Variants in NALCN observed in about 807,000 individuals in gnomAD.
NALCN encodes sodium leak channel, non-selective.
In NALCN, 111 loss-of-function variants were observed where a neutral mutation model predicts 225.3. The observed-to-expected ratio is 0.49, with a 90% CI of 0.42 to 0.58. NALCN has a LOEUF of 0.58. NALCN is among the 20% of genes least tolerant of loss of function. NALCN has a pLI of 0.00. For synonymous variants in NALCN, 764 were observed against 769.0 expected (o/e 0.99, Z 0.11); for missense variants, 1,378 against 2,202.4 (o/e 0.63, Z 7.49).
chr13:101,076,219 C>G (rs1478591606), intron 34 of NALCN, among the ~76,000 whole-genome samples: 1 of 152,212 alleles, frequency 6.6e-6, no homozygotes, highest in East Asian at 1.9e-4. Context: ...GTGACCAGCT[C>G]TTTTGCATAC....
intron 2 of NALCN, among the ~76,000 whole-genome samples, chr13:101,397,066 T>TCATATA (rs1555346458): frequency 3.0e-4 from 17 of 56,398 alleles, no homozygotes; most frequent in Non-Finnish European, 5.6e-4. Flanking sequence ...TATGAATGTA[T>TCATATA]TATATATATA....
chr13:101,403,920 T>C (rs956531241), intron 1 of NALCN, among the ~76,000 whole-genome samples: 2 of 152,242 alleles, frequency 1.3e-5, no homozygotes, highest in Non-Finnish European at 2.9e-5. Flanking sequence ...CTGACTTTCA[T>C]GTCTTTGGGA....
At chr13:101,405,010 G>A (rs1251712945) in intron 1 of NALCN, among the ~76,000 whole-genome samples, 3 of 152,202 alleles carry the variant, frequency 2.0e-5, no homozygotes, top group Non-Finnish European at 2.9e-5. Flanking sequence ...ATTTGTTAAT[G>A]TAGGCATTAC....
chr13:101,156,948 A>C (rs2037932264), intron 15 of NALCN, among the ~76,000 whole-genome samples: 1 of 152,148 alleles, frequency 6.6e-6, no homozygotes, highest in African/African-American at 2.4e-5. Flanking sequence ...ATAGTTTTTA[A>C]ATGTCTCCTA....
chr13:101,082,856 G>T lies in NALCN; in HGVS notation c.3718C>A (p.Pro1240Thr), dbSNP rs1253151307. The T allele has an allele frequency of 2.5e-6, 4 of 1,614,042 alleles. No homozygotes were observed. Among genetic ancestry groups the T allele is most frequent in the African/African-American group, 1.3e-5 (1 of 74,926 alleles). The change falls in exon 33 of 44, where the codon CCT (proline) becomes ACT (threonine). Residue 1240 changes from proline to threonine, a missense_variant. This residue lies in a region of NALCN where 98 missense variants were observed against 156.6 expected (regional missense o/e 0.63). Transcript: ENST00000251127. ...AAAACAACTGACATTGTTGCCAAAG[G>T]TACGGTCACCGGGTCCTCGACGTCC... ...KWDVEDPVTV[P>T]LATMSVVFTF...
chr13:101,260,973 C>T (rs1186006183), intron 10 of NALCN, among the ~76,000 whole-genome samples: 1 of 152,070 alleles, frequency 6.6e-6, no homozygotes, highest in African/African-American at 2.4e-5. Flanking sequence ...GAGATTTTCC[C>T]CAGTGTTTTC....
At chr13:101,314,427 A>C (rs898353593) in intron 7 of NALCN, among the ~76,000 whole-genome samples, 18 of 152,196 alleles carry the variant, frequency 1.2e-4, no homozygotes, top group African/African-American at 4.3e-4. Context: ...GAAATTTTGG[A>C]GCAAGGGCCA....
At chr13:101,154,873 A>T (rs2031717560) in intron 15 of NALCN, among the ~76,000 whole-genome samples, 2 of 152,244 alleles carry the variant, frequency 1.3e-5, no homozygotes, top group South Asian at 4.1e-4. Context: ...AGGAGTAATG[A>T]CAAGTTACAT....
intron 11 of NALCN, among the ~76,000 whole-genome samples, chr13:101,251,719 T>C (rs1241788320): frequency 6.6e-6 from 1 of 152,188 alleles, no homozygotes; most frequent in Non-Finnish European, 1.5e-5. Flanking sequence ...TCTGACATCA[T>C]AGGTATCTGA....
intron 28 of NALCN, among the ~76,000 whole-genome samples, chr13:101,090,367 A>G (rs985761008): frequency 2.0e-5 from 3 of 152,170 alleles, no homozygotes; most frequent in Non-Finnish European, 4.4e-5. Flanking sequence ...TGGATTTTGG[A>G]TGTGGATTTT....
chr13:101,262,544 T>C (rs764102078), intron 10 of NALCN, among the ~76,000 whole-genome samples: 3 of 152,204 alleles, frequency 2.0e-5, no homozygotes, highest in Non-Finnish European at 4.4e-5. Flanking sequence ...TTCTTCTGGG[T>C]ATTTATTAAC....
chr13:101,146,482 T>C (rs1057013730), intron 15 of NALCN, among the ~76,000 whole-genome samples: 1 of 152,166 alleles, frequency 6.6e-6, no homozygotes, highest in South Asian at 2.1e-4. Flanking sequence ...GTTAGAAAAA[T>C]GATTCCACAC....
chr13:101,087,765 G>C (rs1007579865), intron 30 of NALCN, among the ~76,000 whole-genome samples: 5 of 152,128 alleles, frequency 3.3e-5, no homozygotes, highest in African/African-American at 1.2e-4. Flanking sequence ...CTCAAGTGTT[G>C]CAATTAATTA....
At chr13:101,265,828 C>T (rs2042578040) in intron 10 of NALCN, among the ~76,000 whole-genome samples, 1 of 152,082 alleles carries the variant, frequency 6.6e-6, no homozygotes, top group African/African-American at 2.4e-5. Flanking sequence ...TTGTATCAGA[C>T]AGTCAAAATT....
intron 11 of NALCN, among the ~76,000 whole-genome samples, chr13:101,241,200 T>C (rs549035047): frequency 1.2e-4 from 18 of 152,212 alleles, no homozygotes; most frequent in Non-Finnish European, 1.3e-4. Flanking sequence ...TTTGGCAGTT[T>C]GTATTTTGCC....
chr13:101,387,227 CAAA>C lies in NALCN; in HGVS notation c.291+7953_291+7955del, dbSNP rs747159185. On this transcript the variant is annotated intron_variant, in intron 3 of 43. Transcript: ENST00000251127. Reference sequence around the variant, plus strand: ...TGGGCGACAGAGCGAGACTCCGTCTCAAAAAAAAAAAAAAAAAAAAAAAAAAAC... The same window carrying C: ...TGGGCGACAGAGCGAGACTCCGTCTCAAAAAAAAAAAAAAAAAAAAAAAAC... Among the ~76,000 whole-genome samples the C allele has an allele frequency of 7.3e-3, 213 of 29,032 alleles. 2 individuals are homozygous for C. Among genetic ancestry groups the C allele is most frequent in the Middle Eastern group, 0.026 (1 of 38 alleles). 19.0% of individuals were successfully genotyped at this position (29,032 alleles called of 152,430 possible).
chr13:101,197,199 G>C (rs932004318), intron 13 of NALCN, among the ~76,000 whole-genome samples: 1 of 152,104 alleles, frequency 6.6e-6, no homozygotes, highest in Non-Finnish European at 1.5e-5. Flanking sequence ...ATACGGTTTC[G>C]TTGTTTTTCC....
intron 7 of NALCN, among the ~76,000 whole-genome samples, chr13:101,327,901 T>G (rs1490704331): frequency 6.6e-6 from 1 of 152,210 alleles, no homozygotes; most frequent in Non-Finnish European, 1.5e-5. Context: ...AATGGCCAGA[T>G]GGTAAACATT....
chr13:101,335,619 T>G (rs2045353014), intron 7 of NALCN, among the ~76,000 whole-genome samples: 1 of 152,108 alleles, frequency 6.6e-6, no homozygotes, highest in Non-Finnish European at 1.5e-5. Flanking sequence ...TAGTTCTCTC[T>G]TCCATATGTG....
Sources: gnomAD v4.1 joint callset for allele counts (sites outside exome capture counted in the v4.1 genomes callset) on GRCh38, gnomAD v4.1.1 for gene constraint, gnomAD v4.1.1 regional missense constraint, MANE v1.5 for transcripts, NCBI Gene and HGNC (gene_info 2026-07-23, HGNC 2026-07-21) for gene names.